Variants in SOX6 observed in about 807,000 individuals in gnomAD.
The protein encoded by SOX6 is SRY-box transcription factor 6, also known as transcription factor SOX-6.
SOX6 carries 11 observed loss-of-function variants against 97.8 expected under a neutral mutation model. The ratio of observed to expected loss-of-function variants is 0.11; its 90% CI spans 0.07 to 0.19. The LOEUF (loss-of-function observed/expected upper bound fraction) is 0.19, where lower values mean the gene tolerates loss of function less well. Ranked by LOEUF, SOX6 falls within the 10% of genes least tolerant of loss-of-function variation. SOX6 has a pLI of 1.00. For missense variants in SOX6, 810 were observed against 1,039.5 expected, an observed-to-expected ratio of 0.78 and a Z score of 3.04; for synonymous variants, 360 against 371.4, an observed-to-expected ratio of 0.97 and a Z score of 0.35.
rs576614310 is a variant in SOX6 at position 15,967,124 on chromosome 11, TTTC to T, written c.*5682_*5684del. ...CAATAGACACTAGTTTTTATGTTTT[TTTC>T]TTTTTTTCTAATTGCCCAAATAGTT... On this transcript the variant is annotated 3_prime_UTR_variant, in exon 16 of 16. Transcript: ENST00000683767. The T allele has an allele frequency of 7.2e-5, 11 of 152,320 alleles. No individual in the cohort carries two copies. In the South Asian group the frequency reaches 1.7e-3, roughly 23 times the overall value. 9.4% of individuals were successfully genotyped at this position (152,320 alleles called of 1,614,324 possible).
chr11:16,234,706 T>C (rs956695887), intron 3 of SOX6, 35 bp from the exon 4 acceptor site: 19 of 1,199,650 alleles, frequency 1.6e-5, no homozygotes, highest in Non-Finnish European at 2.1e-5. Flanking sequence ...TAAAAATATA[T>C]ATTTATTACA....
chr11:16,697,389 T>C lies in SOX6; in HGVS notation n.429+17441A>G, dbSNP rs558129367. Among the ~76,000 whole-genome samples the C allele has an allele frequency of 5.3e-5, 8 of 152,276 alleles. No homozygotes were observed. The East Asian group carries it at 1.2e-3, about 22-fold the overall frequency. On this transcript the variant is annotated intron_variant and non_coding_transcript_variant, in intron 3 of 5. Coordinates refer to the SOX6 transcript ENST00000524520. ...TGGCTCATGCCTGTAATCCCAGCACTTGGGGAGGCCGAGGTGGGTGGATCA... is the reference window on the plus strand; with the variant it reads ...TGGCTCATGCCTGTAATCCCAGCACCTGGGGAGGCCGAGGTGGGTGGATCA...
At chr11:16,226,528 T>A (rs1852694864) in intron 4 of SOX6, among the ~76,000 whole-genome samples, 1 of 152,154 alleles carries the variant, frequency 6.6e-6, no homozygotes, top group African/African-American at 2.4e-5. Context: ...TAAGATGATC[T>A]CAGCCATGAA....
At chr11:16,278,920 T>C in intron 3 of SOX6, among the ~76,000 whole-genome samples, 1 of 152,084 alleles carries the variant, frequency 6.6e-6, no homozygotes, top group South Asian at 2.1e-4. Context: ...TATTCTTGGA[T>C]GTATAGGTTC....
At chr11:16,198,377 C>T (rs1851848414) in intron 4 of SOX6, among the ~76,000 whole-genome samples, 1 of 151,916 alleles carries the variant, frequency 6.6e-6, no homozygotes, top group African/African-American at 2.4e-5. Flanking sequence ...TTTAAAATCA[C>T]TTTATGCAAT....
chr11:16,364,280 T>C (rs1857288320), intron 1 of SOX6, among the ~76,000 whole-genome samples: 1 of 152,020 alleles, frequency 6.6e-6, no homozygotes, highest in Non-Finnish European at 1.5e-5. Context: ...CAGAAAAAAA[T>C]GTCAGGACTT....
intron 1 of SOX6, among the ~76,000 whole-genome samples, chr11:16,475,538 C>T (rs971533567): frequency 3.3e-5 from 5 of 152,144 alleles, no homozygotes; most frequent in South Asian, 4.1e-4. Flanking sequence ...GTTGGTGGAA[C>T]AATCAGAATA....
intron 4 of SOX6, chr11:16,606,012 G>GT (rs1451081568): frequency 6.6e-6 from 1 of 152,128 alleles, no homozygotes; most frequent in African/African-American, 2.4e-5. Flanking sequence ...TTGGATGAGG[G>GT]TTTATTTTAA....
intron 3 of SOX6, among the ~76,000 whole-genome samples, chr11:16,705,684 C>T (rs1848127052): frequency 6.6e-6 from 1 of 152,106 alleles, no homozygotes; most frequent in Admixed American, 6.5e-5. Context: ...TAATCTGTGA[C>T]AATCACAACA....
At chr11:16,718,464 A>C (rs1429356828) in intron 2 of SOX6, among the ~76,000 whole-genome samples, 2 of 152,218 alleles carry the variant, frequency 1.3e-5, no homozygotes, top group Non-Finnish European at 2.9e-5. Flanking sequence ...AGCTAACAAG[A>C]AGCTTTGTTG....
intron 1 of SOX6, among the ~76,000 whole-genome samples, chr11:16,472,724 A>G (rs1037122578): frequency 6.6e-6 from 1 of 152,150 alleles, no homozygotes; most frequent in Non-Finnish European, 1.5e-5. Flanking sequence ...TATTATTAAA[A>G]GAAAGGTAAA....
In SOX6 at chr11:15,988,902, C is replaced by T. The variant is rs80018443; in HGVS notation, c.1966+95G>A. The T allele has an allele frequency of 5.1e-4, 662 of 1,287,526 alleles. 4 individuals carry two copies. In the African/African-American group the frequency reaches 8.7e-3, roughly 17 times the overall value. The allele number at this position is 1,287,526 out of a possible 1,614,324, so 79.8% of individuals were successfully genotyped here. On this transcript the variant is annotated intron_variant, in intron 14 of 15. Coordinates refer to ENST00000683767, the MANE Select transcript of SOX6 (RefSeq NM_001367873.1). ...CTAACTTGCGCCCGCCACAATCTCC[C>T]TTAGGATCCTAGTTATCCCCTTGCT...
intron 1 of SOX6, among the ~76,000 whole-genome samples, chr11:16,445,660 G>T (rs1409335278): frequency 6.6e-6 from 1 of 151,938 alleles, no homozygotes; most frequent in South Asian, 2.1e-4. Context: ...TCCACCTTGT[G>T]TGAGTACCCT....
chr11:16,104,128 G>A (rs1022307252), intron 7 of SOX6, among the ~76,000 whole-genome samples: 2 of 151,904 alleles, frequency 1.3e-5, no homozygotes, highest in African/African-American at 4.8e-5. Flanking sequence ...AGTTTACACA[G>A]CTGAACATAT....
intron 4 of SOX6, among the ~76,000 whole-genome samples, chr11:16,556,213 A>G (rs948160262): frequency 2.6e-5 from 4 of 151,800 alleles, no homozygotes; most frequent in Non-Finnish European, 4.4e-5. Context: ...CATTACAGCC[A>G]TAGCCTACAA....
chr11:16,292,675 A>T (rs1352118545), intron 3 of SOX6, among the ~76,000 whole-genome samples: 1 of 152,166 alleles, frequency 6.6e-6, no homozygotes, highest in Non-Finnish European at 1.5e-5. Flanking sequence ...ACTGAGCATG[A>T]TTATACCCCG....
At chr11:16,123,208 A>C (rs529861428) in intron 6 of SOX6, among the ~76,000 whole-genome samples, 2 of 152,178 alleles carry the variant, frequency 1.3e-5, no homozygotes, top group South Asian at 4.1e-4. Flanking sequence ...CCAAAGTAAT[A>C]ATATTTTTAA....
Position 16,038,083 on chromosome 11 carries a change from T to A in SOX6, c.1623+8431A>T, listed in dbSNP as rs114341799. On this transcript the variant is annotated intron_variant, in intron 12 of 15. Coordinates refer to ENST00000683767, the MANE Select transcript of SOX6 (RefSeq NM_001367873.1). Reference sequence around the variant, plus strand: ...GAAATAAAAAGAATGCAACAACTATTGACATAGCATTTATGTTGTGTTAGG... The same window carrying A: ...GAAATAAAAAGAATGCAACAACTATAGACATAGCATTTATGTTGTGTTAGG... Among the ~76,000 whole-genome samples the A allele has an allele frequency of 4.2e-3, 646 of 152,300 alleles. 2 individuals carry two copies. The highest frequency in any genetic ancestry group is 0.015 in the African/African-American group (626 of 41,578).
Position 16,727,190 on chromosome 11 carries a change from T to G in SOX6, n.353+9149A>C, listed in dbSNP as rs541887350. Reference sequence around the variant, plus strand: ...CTGTGATGGGTTTCTTGGATATTTTTGGGGAAATATGTCATGAATATACAT... The same window carrying G: ...CTGTGATGGGTTTCTTGGATATTTTGGGGGAAATATGTCATGAATATACAT... On this transcript the variant is annotated intron_variant and non_coding_transcript_variant, in intron 2 of 5. Coordinates refer to the SOX6 transcript ENST00000524520. Among the ~76,000 whole-genome samples the G allele has an allele frequency of 3.7e-4, 55 of 148,338 alleles. No homozygotes were observed. The South Asian group carries it at 0.011, about 30-fold the overall frequency.
Sources: allele counts gnomAD v4.1 joint callset (sites outside exome capture counted in the v4.1 genomes callset), GRCh38; gene constraint gnomAD v4.1.1; transcripts MANE v1.5; gene names NCBI Gene and HGNC (gene_info 2026-07-23, HGNC 2026-07-21).